CATSPER2: variants seen among roughly 807,000 people sequenced by gnomAD.
CATSPER2 encodes cation channel sperm-associated protein 2.
In CATSPER2, 56 loss-of-function variants were observed where a neutral mutation model predicts 68.8. That is an observed-to-expected ratio of 0.81 (90% CI 0.66 to 1.02). CATSPER2 has a LOEUF of 1.02. Ranked by LOEUF, CATSPER2 falls within the 50% of genes least tolerant of loss-of-function variation. The pLI, the probability that CATSPER2 is intolerant of heterozygous loss-of-function variation, is 0.00. For synonymous variants in CATSPER2, 198 were observed against 229.9 expected, an observed-to-expected ratio of 0.86 and a Z score of 1.26; for missense variants, 582 against 642.0, an observed-to-expected ratio of 0.91 and a Z score of 1.01.
Position 43,640,423 on chromosome 15 carries a change from C to A in CATSPER2, c.462G>T (p.Leu154Phe). The A allele has an allele frequency of 6.2e-7, 1 of 1,613,042 alleles. No individual in the cohort carries two copies. The highest frequency in any genetic ancestry group is 8.5e-7 in the Non-Finnish European group (1 of 1,179,420). The change falls in exon 5 of 13, where the codon TTG (leucine) becomes TTT (phenylalanine). Residue 154 changes from leucine to phenylalanine, a missense_variant. Leu to Phe is a conservative substitution (Grantham distance 22). Around this residue, in one of 5 missense-constraint regions of CATSPER2, gnomAD observed 197 missense variants for 191.0 expected, o/e 1.03. Coordinates refer to ENST00000396879, the MANE Select transcript of CATSPER2 (RefSeq NM_172095.4). Reference sequence around the variant, plus strand: ...GAAGGATCTCCAGGATGAAAATAAGCAAGATAAACCAAGCTGCCACCTCCA... The same window carrying A: ...GAAGGATCTCCAGGATGAAAATAAGAAAGATAAACCAAGCTGCCACCTCCA... ...LTLEVAAWFI[L>F]LIFILEILLK...
intron 5 of CATSPER2, chr15:43,640,032 G>A: frequency 6.9e-7 from 1 of 1,441,044 alleles, no homozygotes; most frequent in Non-Finnish European, 9.2e-7. Flanking sequence ...GGGTTGTTGT[G>A]GAGCATAAAT....
chr15:43,631,019 T>C (rs991865403), intron 12 of CATSPER2, among the ~76,000 whole-genome samples: 1 of 152,030 alleles, frequency 6.6e-6, no homozygotes, highest in African/African-American at 2.4e-5. Context: ...TTAGGCAACA[T>C]TGTGAAGTAA....
At position 43,648,840 on chromosome 15, in the gene CATSPER2, G is replaced by A; in HGVS notation, c.-214C>T. 8.5e-6 allele frequency: 13 copies of A among 1,529,218 alleles called. No homozygotes were observed. Among genetic ancestry groups the A allele is most frequent in the South Asian group, 1.2e-5 (1 of 83,144 alleles). The allele number at this position is 1,529,218 out of a possible 1,614,324, so 94.7% of individuals were successfully genotyped here. ...TACCCACAGCCCAGGACCATGCGGA[G>A]CAACGCTCGCCCAGCCACTCGCCGC... On this transcript the variant is annotated 5_prime_UTR_variant, in exon 1 of 13. Transcript: ENST00000396879.
intron 11 of CATSPER2, 65 bp downstream of exon 11, chr15:43,632,652 A>G (rs2085895435): frequency 6.2e-7 from 1 of 1,608,964 alleles, no homozygotes; most frequent in South Asian, 1.1e-5. Context: ...GTTAAGACTA[A>G]GATGTCTTAA....
intron 4 of CATSPER2, among the ~76,000 whole-genome samples, chr15:43,644,151 T>C (rs761732366): frequency 6.6e-6 from 1 of 151,978 alleles, no homozygotes; most frequent in Non-Finnish European, 1.5e-5. Context: ...CAATATCCAG[T>C]TGTGGAAGCA....
chr15:43,640,263 T>C, intron 5 of CATSPER2, 61 bp downstream of exon 5: 1 of 1,596,828 alleles, frequency 6.3e-7, no homozygotes, highest in Non-Finnish European at 8.6e-7. Context: ...ACTTGTTCTT[T>C]CGATTCACCT....
Position 43,630,309 on chromosome 15 carries a change from T to C in CATSPER2, c.*392A>G, listed in dbSNP as rs1182989255. On this transcript the variant is annotated 3_prime_UTR_variant, in exon 13 of 13. Coordinates refer to ENST00000396879, the MANE Select transcript of CATSPER2 (RefSeq NM_172095.4). ...TAACTCTTTTACTTGACCTTATGCC[T>C]TTCAATATCCCTTATCTCAGGGTCA... 1.0e-5 allele frequency: 3 copies of C among 294,018 alleles called. No homozygotes were observed. The highest frequency in any genetic ancestry group is 1.6e-4 in the East Asian group (2 of 12,410). The allele number at this position is 294,018 out of a possible 1,614,324, so 18.2% of individuals were successfully genotyped here.
chr15:43,632,603 A>C (rs771160108), intron 11 of CATSPER2, 114 bp downstream of exon 11: 124 of 1,584,442 alleles, frequency 7.8e-5, no homozygotes, highest in Non-Finnish European at 1.1e-4. Flanking sequence ...AGTAATTAAG[A>C]CCAGAAAATT....
intron 6 of CATSPER2, 43 bp from the exon 7 acceptor site, chr15:43,639,071 C>G: frequency 6.8e-6 from 11 of 1,606,716 alleles, no homozygotes; most frequent in Non-Finnish European, 9.4e-6. Flanking sequence ...CCAAACTAGG[C>G]TGATCTCCAC....
At chr15:43,644,742 C>T (rs2086131388) in intron 4 of CATSPER2, among the ~76,000 whole-genome samples, 1 of 151,958 alleles carries the variant, frequency 6.6e-6, no homozygotes, top group African/African-American at 2.4e-5. Context: ...AACCTCCCTC[C>T]TACCCCATCC....
chr15:43,631,294 G>A (rs752409593), intron 12 of CATSPER2: 44 of 181,128 alleles, frequency 2.4e-4, no homozygotes, highest in Non-Finnish European at 4.3e-4. Flanking sequence ...TCAGTGGCGT[G>A]ATCTCCGCTC....
intron 5 of CATSPER2, 31 bp downstream of exon 5, chr15:43,640,293 C>T (rs887955451): frequency 1.9e-6 from 3 of 1,608,300 alleles, no homozygotes; most frequent in Non-Finnish European, 2.6e-6. Context: ...CTTCATCCCA[C>T]TAAACGAACC....
intron 4 of CATSPER2, among the ~76,000 whole-genome samples, chr15:43,643,456 GCC>G (rs1257466241): frequency 6.6e-6 from 1 of 151,522 alleles, no homozygotes; most frequent in African/African-American, 2.4e-5. Context: ...TCTTGCCTCA[GCC>G]TCCGGAGAAA....
chr15:43,639,540 C>G, intron 6 of CATSPER2, 103 bp downstream of exon 6: 1 of 1,536,324 alleles, frequency 6.5e-7, no homozygotes, highest in Non-Finnish European at 8.8e-7. Flanking sequence ...GCTGGGATTA[C>G]AGGCGTGAGC....
At chr15:43,638,010 A>AG (rs1314590715) in intron 7 of CATSPER2, among the ~76,000 whole-genome samples, 1 of 149,810 alleles carries the variant, frequency 6.7e-6, no homozygotes, top group East Asian at 2.0e-4. Flanking sequence ...GCTGGAGTGC[A>AG]GTGGCTCAAT....
At position 43,632,729 on chromosome 15, in the gene CATSPER2, A is replaced by T; in HGVS notation, c.1384T>A (p.Ser462Thr). 6.2e-7 allele frequency: 1 copy of T among 1,613,656 alleles called. No homozygotes were observed. The highest frequency in any genetic ancestry group is 8.5e-7 in the Non-Finnish European group (1 of 1,179,764). The change falls in exon 11 of 13, where the codon TCT becomes ACT. Residue 462 changes from serine to threonine, a missense_variant. By Grantham distance (58) the Ser-to-Thr change is moderately conservative. Transcript: ENST00000396879. ...TTCTTCGGCTCACCAATAGATTCAG[A>T]AAATCTGGATTCAGAAGAGGAAGAA... is the stretch of plus-strand genomic sequence containing the variant. ...SYSSSSESRFSESIGRLDWET... is the reference protein window; with the variant it reads ...SYSSSSESRFTESIGRLDWET...
At chr15:43,645,054 G>T (rs1249451907) in intron 4 of CATSPER2, among the ~76,000 whole-genome samples, 1 of 151,856 alleles carries the variant, frequency 6.6e-6, no homozygotes, top group Non-Finnish European at 1.5e-5. Flanking sequence ...CCTGACTGCA[G>T]TAAAGGACTA....
intron 12 of CATSPER2, among the ~76,000 whole-genome samples, chr15:43,631,129 CCTCT>C (rs1461560821): frequency 2.6e-5 from 4 of 151,954 alleles, no homozygotes; most frequent in Non-Finnish European, 4.4e-5. Context: ...ACACAGTCCT[CCTCT>C]CTAATTTCTT....
rs373878469 is a variant in CATSPER2 at position 43,632,320 on chromosome 15, C to T, written c.1440G>A (p.Gly480=). 80 of 1,613,554 alleles carry T rather than the reference C, an allele frequency of 5.0e-5. No homozygotes were observed. Among genetic ancestry groups the T allele is most frequent in the Non-Finnish European group, 6.4e-5 (76 of 1,179,878 alleles). The change falls in exon 12 of 13, where the codon GGG becomes GGA. Residue 480 remains glycine (G), a synonymous_variant. Coordinates refer to ENST00000396879, the MANE Select transcript of CATSPER2 (RefSeq NM_172095.4). ...GGTCATCCTGATCCATTTCCATTAG[C>T]CCGGGCAGATTTTCGTGCACAAGAG... ...WETLVHENLP[G]LMEMDQDDRV... is the part of the protein sequence containing the mutation.
Sources: gnomAD v4.1 joint callset for allele counts (sites outside exome capture counted in the v4.1 genomes callset) on GRCh38, gnomAD v4.1.1 for gene constraint, gnomAD v4.1.1 regional missense constraint, MANE v1.5 for transcripts, NCBI Gene and HGNC (gene_info 2026-07-23, HGNC 2026-07-21) for gene names.